The following GLB1 variants were observed in gnomAD, a reference collection of about 807,000 sequenced individuals.
GLB1 encodes the protein galactosidase beta 1.
In GLB1, 56 loss-of-function variants were observed where a neutral mutation model predicts 74.0. That is an observed-to-expected ratio of 0.76 (90% CI 0.61 to 0.94). GLB1 has a LOEUF of 0.94. Ranked by LOEUF, GLB1 falls within the 40% of genes least tolerant of loss-of-function variation. GLB1 has a pLI of 0.00. For synonymous variants in GLB1, 323 were observed against 323.6 expected (o/e 1.00, Z 0.02); for missense variants, 787 against 845.5 (o/e 0.93, Z 0.86).
At chr3:33,006,433 A>G (rs536389759) in intron 15 of GLB1, among the ~76,000 whole-genome samples, 69 of 151,906 alleles carry the variant, frequency 4.5e-4, no homozygotes, top group Non-Finnish European at 7.8e-4. Context: ...CCCACCCCTG[A>G]CCACACAGTC....
chr3:33,016,840 T>A lies in GLB1; in HGVS notation c.1348A>T (p.Ile450Phe). Reference sequence around the variant, plus strand: ...TTTCGCTCAAGGACTCCCTGGGGGATCTGTGGGGTTCAAGACCAAATGACA... The same window carrying A: ...TTTCGCTCAAGGACTCCCTGGGGGAACTGTGGGGTTCAAGACCAAATGACA... ...HDRAYVAVDG[I>F]PQGVLERNNV... The change falls in exon 14 of 16, where the codon ATC (isoleucine) becomes TTC (phenylalanine). Residue 450 changes from isoleucine (I) to phenylalanine (F), a missense_variant and splice_region_variant. Physicochemically the swap from Ile to Phe is conservative, Grantham distance 21. Transcript: ENST00000307363. The A allele has an allele frequency of 6.2e-7, 1 of 1,613,906 alleles. No homozygotes were observed. The highest frequency in any genetic ancestry group is 8.5e-7 in the Non-Finnish European group (1 of 1,179,842).
At chr3:32,986,291 CAA>C in the GLB1 span, among the ~76,000 whole-genome samples, 4,429 of 152,214 alleles carry the variant, frequency 0.029, 207 homozygotes, top group African/African-American at 0.098. Context: ...ATAGAGACCC[CAA>C]AATTGATTGG....
At position 33,065,645 on chromosome 3, in the gene GLB1, A is replaced by T. The variant is rs1163347307; in HGVS notation, c.458-88T>A. The T allele has an allele frequency of 3.4e-6, 5 of 1,456,432 alleles. No homozygotes were observed. The East Asian group carries it at 1.2e-4, about 36-fold the overall frequency. 90.2% of individuals were successfully genotyped at this position (1,456,432 alleles called of 1,614,324 possible). A position where few individuals can be genotyped will look rare whatever the true frequency, so the allele number is the denominator to read the frequency against. Reference sequence around the variant, plus strand: ...CCAGGATGGCTTTGAATGTGGCCCAACACAAATTCGTAAACTTTTTAAAAA... The same window carrying T: ...CCAGGATGGCTTTGAATGTGGCCCATCACAAATTCGTAAACTTTTTAAAAA... On this transcript the variant is annotated intron_variant, in intron 4 of 15. Coordinates refer to ENST00000307363, the MANE Select transcript of GLB1 (RefSeq NM_000404.4).
chr3:33,030,643 A>C (rs898292284), intron 10 of GLB1: 90 of 985,302 alleles, frequency 9.1e-5, no homozygotes, highest in Non-Finnish European at 1.1e-4. Flanking sequence ...GAAGTACAGA[A>C]AAAATCACTG....
Position 33,058,382 on chromosome 3 carries a change from G to T in GLB1, c.553-113C>A, listed in dbSNP as rs1699309168. On this transcript the variant is annotated intron_variant, in intron 5 of 15. Coordinates refer to ENST00000307363, the MANE Select transcript of GLB1 (RefSeq NM_000404.4). ...ATCTGCTAAGATGACAAGGCTTAATGACTGCTGGAAAAATTTCCTTCACTC... is the reference window on the plus strand; with the variant it reads ...ATCTGCTAAGATGACAAGGCTTAATTACTGCTGGAAAAATTTCCTTCACTC... 2.7e-6 allele frequency: 4 copies of T among 1,486,774 alleles called. No homozygotes were observed. In the South Asian group the frequency reaches 4.9e-5, roughly 18 times the overall value. The allele number at this position is 1,486,774 out of a possible 1,614,324, so 92.1% of individuals were successfully genotyped here.
chr3:33,024,428 C>G, intron 10 of GLB1, 103 bp from the exon 11 acceptor site: 1 of 1,275,350 alleles, frequency 7.8e-7, no homozygotes, highest in South Asian at 1.4e-5. Flanking sequence ...AAAGACTCAA[C>G]AGTGCCACTG....
At chr3:33,077,269 G>A (rs1235277694) in intron 1 of GLB1, 1 of 1,571,426 alleles carries the variant, frequency 6.4e-7, no homozygotes, top group Non-Finnish European at 8.6e-7. Flanking sequence ...ATTTGAAGGT[G>A]GCAGGGCAGG....
chr3:33,071,557 G>C (rs1050718205), intron 2 of GLB1, among the ~76,000 whole-genome samples: 40 of 152,298 alleles, frequency 2.6e-4, no homozygotes, highest in African/African-American at 8.4e-4. Context: ...ATCTACCTAA[G>C]CACAAGGCTT....
intron 10 of GLB1, among the ~76,000 whole-genome samples, chr3:33,033,347 A>G (rs761411908): frequency 6.6e-6 from 1 of 152,220 alleles, no homozygotes; most frequent in Non-Finnish European, 1.5e-5. Context: ...TCAGTAATAA[A>G]ATGTGAAGCT....
At chr3:32,965,970 C>T in the GLB1 span, among the ~76,000 whole-genome samples, 2 of 152,206 alleles carry the variant, frequency 1.3e-5, no homozygotes, top group African/African-American at 4.8e-5. Flanking sequence ...GCCTAGATTT[C>T]AGAAGATGTA....
chr3:33,079,510 T>C (rs1480532732), intron 1 of GLB1, among the ~76,000 whole-genome samples: 1 of 152,226 alleles, frequency 6.6e-6, no homozygotes, highest in Non-Finnish European at 1.5e-5. Flanking sequence ...GGACTGATAG[T>C]AATATGTTAA....
chr3:33,017,110 C>T (rs1031567712), intron 13 of GLB1, among the ~76,000 whole-genome samples: 3 of 152,182 alleles, frequency 2.0e-5, no homozygotes, highest in Non-Finnish European at 4.4e-5. Flanking sequence ...TGTTTTACTG[C>T]CAACTACTTT....
downstream of GLB1, among the ~76,000 whole-genome samples, chr3:32,991,827 A>G (rs373188546): frequency 1.5e-4 from 23 of 152,342 alleles, no homozygotes; most frequent in South Asian, 4.6e-3. Flanking sequence ...AGAAGCCCCA[A>G]CGTCACAGAA....
intron 1 of GLB1, among the ~76,000 whole-genome samples, chr3:33,075,823 C>T (rs1174121757): frequency 1.3e-5 from 2 of 151,878 alleles, no homozygotes; most frequent in Non-Finnish European, 1.5e-5. Context: ...AGGTGGATCA[C>T]GAGGTCGGGA....
the GLB1 span, among the ~76,000 whole-genome samples, chr3:32,972,284 G>C: frequency 6.6e-6 from 1 of 152,196 alleles, no homozygotes; most frequent in South Asian, 2.1e-4. Context: ...TATCAAAATA[G>C]GCTGGCTTTA....
intron 5 of GLB1, among the ~76,000 whole-genome samples, chr3:33,063,428 G>A (rs892833236): frequency 1.3e-5 from 2 of 150,034 alleles, no homozygotes; most frequent in Non-Finnish European, 3.0e-5. Flanking sequence ...GATGGGAAGG[G>A]GAGAGGAGGA....
intron 11 of GLB1, among the ~76,000 whole-genome samples, chr3:33,023,756 C>T (rs1159783830): frequency 1.3e-5 from 2 of 152,082 alleles, no homozygotes; most frequent in African/African-American, 2.4e-5. Flanking sequence ...CTAGCTTTTC[C>T]CCCAGTGTCC....
intron 9 of GLB1, among the ~76,000 whole-genome samples, chr3:33,049,932 G>C (rs1698906960): frequency 6.6e-6 from 1 of 152,130 alleles, no homozygotes; most frequent in Non-Finnish European, 1.5e-5. Context: ...CTGCAAAAAA[G>C]ATAGCAGTTC....
chr3:33,000,340 T>A (rs1286127336), intron 15 of GLB1, among the ~76,000 whole-genome samples: 1 of 152,310 alleles, frequency 6.6e-6, no homozygotes, highest in Admixed American at 6.5e-5. Flanking sequence ...AGAGTAGCTA[T>A]TTTTTAAAAA....
Sources: gnomAD v4.1 joint callset for allele counts (sites outside exome capture counted in the v4.1 genomes callset) on GRCh38, gnomAD v4.1.1 for gene constraint, MANE v1.5 for transcripts, NCBI Gene and HGNC (gene_info 2026-07-23, HGNC 2026-07-21) for gene names.